Variants in GRHL2 observed in about 807,000 individuals in gnomAD.
GRHL2 encodes grainyhead like transcription factor 2, also known as grainyhead-like protein 2 homolog.
GRHL2 carries 21 observed loss-of-function variants against 83.8 expected under a neutral mutation model. That is an observed-to-expected ratio of 0.25 (90% CI 0.18 to 0.36). GRHL2 has a LOEUF of 0.36. Ranked by LOEUF, GRHL2 falls within the 10% of genes least tolerant of loss-of-function variation. The pLI, the probability that GRHL2 is intolerant of heterozygous loss-of-function variation, is 1.00. For synonymous variants in GRHL2, 280 were observed against 278.9 expected, an observed-to-expected ratio of 1.00 and a Z score of -0.04; for missense variants, 623 against 781.8, an observed-to-expected ratio of 0.80 and a Z score of 2.42.
chr8:101,658,032 C>T (rs1326071970), intron 14 of GRHL2, among the ~76,000 whole-genome samples: 1 of 152,198 alleles, frequency 6.6e-6, no homozygotes, highest in Non-Finnish European at 1.5e-5. Context: ...CCAGCTTCCT[C>T]TGAATGATGA....
At position 101,644,213 on chromosome 8, in the gene GRHL2, G is replaced by A; in HGVS notation, c.1600G>A (p.Gly534Arg). ...PVPSKQMKEE[G>R]TKRVLLYVRK... is the part of the protein sequence containing the mutation. ...GCCTTCAAAGCAGATGAAAGAAGAA[G>A]GGACAAAGCGAGGTATCTCTCCTGC... is the stretch of plus-strand genomic sequence containing the variant. Residue 534 changes from glycine (G) to arginine (R), a missense_variant, in exon 13 of 16, where the codon GGG becomes AGG. By Grantham distance (125) the Gly-to-Arg change is moderately radical (BLOSUM62 -2). Transcript: ENST00000646743. 6.2e-7 allele frequency: 1 copy of A among 1,613,636 alleles called. No individual in the cohort carries two copies. The highest frequency in any genetic ancestry group is 8.5e-7 in the Non-Finnish European group (1 of 1,179,702).
At chr8:101,577,055 T>G (rs1413795167) in intron 6 of GRHL2, among the ~76,000 whole-genome samples, 16 of 152,156 alleles carry the variant, frequency 1.1e-4, no homozygotes, top group Admixed American at 1.0e-3. Context: ...TTCAAAAGAA[T>G]GCTTGTTTCC....
chr8:101,624,857 G>C (rs1030764946), intron 9 of GRHL2, among the ~76,000 whole-genome samples: 1 of 152,092 alleles, frequency 6.6e-6, no homozygotes, highest in African/African-American at 2.4e-5. Context: ...ATGCAGAGTA[G>C]TTAGATGGAA....
chr8:101,637,567 T>C (rs1382981704), intron 12 of GRHL2, among the ~76,000 whole-genome samples: 1 of 152,214 alleles, frequency 6.6e-6, no homozygotes, highest in African/African-American at 2.4e-5. Flanking sequence ...TAATTCAGTT[T>C]GTAGACTCAG....
chr8:101,589,358 A>G (rs560321714), intron 7 of GRHL2, among the ~76,000 whole-genome samples: 2 of 152,346 alleles, frequency 1.3e-5, no homozygotes, highest in African/African-American at 4.8e-5. Flanking sequence ...CTGAGTTACT[A>G]AATCTGGAGC....
At chr8:101,637,351 G>A (rs576416586) in intron 12 of GRHL2, among the ~76,000 whole-genome samples, 10 of 152,138 alleles carry the variant, frequency 6.6e-5, no homozygotes, top group South Asian at 6.2e-4. Flanking sequence ...GTACTGCCTG[G>A]GATGCACACA....
downstream of GRHL2, among the ~76,000 whole-genome samples, chr8:101,673,606 C>T: frequency 6.6e-6 from 1 of 150,610 alleles, no homozygotes; most frequent in Non-Finnish European, 1.5e-5. Flanking sequence ...CTTCGACTCC[C>T]ACACAACTTT....
chr8:101,649,376 C>A (rs1229830320), intron 13 of GRHL2, 38 bp from the exon 14 acceptor site: 19 of 1,517,186 alleles, frequency 1.3e-5, no homozygotes, highest in Non-Finnish European at 1.6e-5. Context: ...AATTGTGCAG[C>A]CCCTCGGTCA....
At chr8:101,670,519 G>A (rs1023565672), downstream of GRHL2, among the ~76,000 whole-genome samples, 1 of 152,236 alleles carries the variant, frequency 6.6e-6, no homozygotes, top group Admixed American at 6.5e-5. Context: ...AGCGCTCATT[G>A]CAGAGTCTTC....
At chr8:101,502,440 G>C (rs929895369) in intron 1 of GRHL2, among the ~76,000 whole-genome samples, 1 of 152,204 alleles carries the variant, frequency 6.6e-6, no homozygotes, top group Non-Finnish European at 1.5e-5. Flanking sequence ...CTTTTGGAAG[G>C]CAGGAGGAAT....
intron 1 of GRHL2, among the ~76,000 whole-genome samples, chr8:101,508,929 A>C (rs1208414882): frequency 6.6e-6 from 1 of 152,110 alleles, no homozygotes; most frequent in East Asian, 1.9e-4. Context: ...TCCATTCTTC[A>C]GATAATTAGT....
intron 7 of GRHL2, among the ~76,000 whole-genome samples, chr8:101,578,789 T>C (rs768982289): frequency 6.6e-6 from 1 of 152,174 alleles, no homozygotes; most frequent in Non-Finnish European, 1.5e-5. Flanking sequence ...TTTTCAGATC[T>C]TCCATTTCAC....
At chr8:101,677,295 C>T in the GRHL2 span, among the ~76,000 whole-genome samples, 194 of 151,980 alleles carry the variant, frequency 1.3e-3, 3 homozygotes, top group South Asian at 0.035. Context: ...CCTCATAGAC[C>T]ACTGAGGAAA....
At chr8:101,670,062 C>T (rs1563637882), downstream of GRHL2, among the ~76,000 whole-genome samples, 1 of 152,204 alleles carries the variant, frequency 6.6e-6, no homozygotes, top group Non-Finnish European at 1.5e-5. Flanking sequence ...CTTGAATTCC[C>T]ACAAAAGCTT....
intron 3 of GRHL2, among the ~76,000 whole-genome samples, chr8:101,556,891 T>A (rs1811497955): frequency 6.6e-6 from 1 of 152,208 alleles, no homozygotes; most frequent in African/African-American, 2.4e-5. Flanking sequence ...CCTCCTGCTT[T>A]TTTCTTTTTG....
rs111742422 is a variant in GRHL2, at chr8:101,564,495, A to G, written c.678+5683A>G. 6.4e-3 allele frequency among the ~76,000 whole-genome samples: 967 copies of G among 152,260 alleles called. 1 individual carries two copies. Among genetic ancestry groups the G allele is most frequent in the Non-Finnish European group, 0.011 (763 of 68,018 alleles). On this transcript the variant is annotated intron_variant, in intron 4 of 15. Transcript: ENST00000646743. The stretch of plus-strand genomic sequence containing the variant: ...TTAACTCAGGCTGGGATTTTTGAAA[A>G]GACAGTGGTAGCATTAAAAAGTGCT...
chr8:101,522,176 A>G (rs1810699317), intron 1 of GRHL2, among the ~76,000 whole-genome samples: 1 of 152,148 alleles, frequency 6.6e-6, no homozygotes, highest in Admixed American at 6.5e-5. Context: ...CTTCCTGGCA[A>G]AGGACTAATG....
chr8:101,652,395 GT>G (rs1813660466), intron 14 of GRHL2, among the ~76,000 whole-genome samples: 23 of 57,420 alleles, frequency 4.0e-4, no homozygotes, highest in African/African-American at 1.5e-3. Context: ...GTGTGTGTGT[GT>G]GTCTGGTGTG....
intron 4 of GRHL2, among the ~76,000 whole-genome samples, chr8:101,565,662 T>C (rs992030440): frequency 6.6e-6 from 1 of 152,192 alleles, no homozygotes; most frequent in African/African-American, 2.4e-5. Context: ...CTAGTTGACC[T>C]GGAAGTGGCG....
Sources: gnomAD v4.1 joint callset for allele counts (sites outside exome capture counted in the v4.1 genomes callset) on GRCh38, gnomAD v4.1.1 for gene constraint, MANE v1.5 for transcripts, NCBI Gene and HGNC (gene_info 2026-07-23, HGNC 2026-07-21) for gene names.